The following ABLIM1 variants were observed in gnomAD, a reference collection of about 807,000 sequenced individuals.
ABLIM1 encodes the protein actin binding LIM protein 1.
Under a neutral mutation model 107.0 loss-of-function variants are expected in ABLIM1, and 40 were observed. That is an observed-to-expected ratio of 0.37 (90% CI 0.29 to 0.49). ABLIM1 has a LOEUF of 0.49. ABLIM1 is among the 20% of genes least tolerant of loss of function. ABLIM1 has a pLI of 0.97. For missense variants in ABLIM1, 857 were observed against 1,008.5 expected (o/e 0.85, Z 2.04); for synonymous variants, 357 against 357.3 (o/e 1.00, Z 0.01).
intron 1 of ABLIM1, among the ~76,000 whole-genome samples, chr10:114,614,155 A>G (rs1010479729): frequency 6.6e-6 from 1 of 152,142 alleles, no homozygotes; most frequent in African/African-American, 2.4e-5. Flanking sequence ...GTAACCTTCC[A>G]ACACTTGGAA....
At chr10:114,690,792 C>T (rs1338395741) in intron 1 of ABLIM1, among the ~76,000 whole-genome samples, 1 of 152,160 alleles carries the variant, frequency 6.6e-6, no homozygotes, top group Non-Finnish European at 1.5e-5. Context: ...AGTGATTCTC[C>T]CACCTCAGCC....
At chr10:114,445,256 T>C (rs2060840037) in intron 16 of ABLIM1, 56 bp downstream of exon 16, 4 of 1,493,398 alleles carry the variant, frequency 2.7e-6, no homozygotes, top group Non-Finnish European at 3.7e-6. Context: ...ATTCAAAAAA[T>C]ATAGATCTTA....
intron 1 of ABLIM1, among the ~76,000 whole-genome samples, chr10:114,609,442 C>T (rs901114384): frequency 1.3e-5 from 2 of 152,196 alleles, no homozygotes; most frequent in Admixed American, 1.3e-4. Flanking sequence ...AAAATATTTC[C>T]TTCTCCTCCA....
chr10:114,776,932 A>AT, the ABLIM1 span, among the ~76,000 whole-genome samples: 4 of 152,146 alleles, frequency 2.6e-5, no homozygotes, highest in Non-Finnish European at 5.9e-5. Flanking sequence ...ATGTTTTTTA[A>AT]TTTTTGGTTT....
At chr10:114,561,524 C>A (rs1439161633) in intron 4 of ABLIM1, among the ~76,000 whole-genome samples, 1 of 152,200 alleles carries the variant, frequency 6.6e-6, no homozygotes, top group Non-Finnish European at 1.5e-5. Flanking sequence ...TGTCTCCCAG[C>A]CACCCAGTTC....
intron 15 of ABLIM1, 87 bp downstream of exon 15, chr10:114,447,793 G>C: frequency 1.3e-6 from 2 of 1,545,464 alleles, no homozygotes; most frequent in Non-Finnish European, 8.8e-7. Context: ...TTCATAATAG[G>C]ATACATTTTC....
chr10:114,489,306 C>T (rs775048639), intron 7 of ABLIM1, among the ~76,000 whole-genome samples: 14 of 152,194 alleles, frequency 9.2e-5, no homozygotes, highest in Non-Finnish European at 1.8e-4. Context: ...CGTGAGCCAC[C>T]ACACCTGGCC....
chr10:114,721,418 A>T (rs1316289018), intron 1 of ABLIM1, among the ~76,000 whole-genome samples: 2 of 152,132 alleles, frequency 1.3e-5, no homozygotes, highest in African/African-American at 4.8e-5. Flanking sequence ...TCCCAGACAT[A>T]TCAGTCTGGA....
chr10:114,461,629 G>A (rs1385856590), intron 12 of ABLIM1, among the ~76,000 whole-genome samples: 1 of 151,958 alleles, frequency 6.6e-6, no homozygotes, highest in Non-Finnish European at 1.5e-5. Flanking sequence ...GACCAGCCTG[G>A]CCAACATAGT....
chr10:114,680,075 C>T (rs897062221), intron 1 of ABLIM1, among the ~76,000 whole-genome samples: 1 of 152,138 alleles, frequency 6.6e-6, no homozygotes, highest in Non-Finnish European at 1.5e-5. Flanking sequence ...AATTACCAAA[C>T]TAGAATCAAG....
At chr10:114,681,110 C>T (rs2080728746) in intron 1 of ABLIM1, among the ~76,000 whole-genome samples, 1 of 152,198 alleles carries the variant, frequency 6.6e-6, no homozygotes, top group Non-Finnish European at 1.5e-5. Context: ...TCTGCAGGTA[C>T]ATTTAGCTAG....
At chr10:114,669,552 CCATGAT>C (rs770435916) in intron 1 of ABLIM1, among the ~76,000 whole-genome samples, 1 of 152,188 alleles carries the variant, frequency 6.6e-6, no homozygotes, top group Non-Finnish European at 1.5e-5. Context: ...GTGGCACAGA[CCATGAT>C]CTGCATCAAG....
intron 1 of ABLIM1, among the ~76,000 whole-genome samples, chr10:114,767,314 C>A (rs2082919362): frequency 6.6e-6 from 1 of 152,156 alleles, no homozygotes; most frequent in Non-Finnish European, 1.5e-5. Flanking sequence ...TCTTTAAATG[C>A]TTACGGCAAA....
chr10:114,669,401 A>G (rs938437653), intron 1 of ABLIM1, among the ~76,000 whole-genome samples: 1 of 152,224 alleles, frequency 6.6e-6, no homozygotes, highest in Non-Finnish European at 1.5e-5. Flanking sequence ...TTGGTAATTA[A>G]CCTCACCTAA....
intron 8 of ABLIM1, among the ~76,000 whole-genome samples, chr10:114,479,337 C>T (rs73353705): frequency 0.05 from 7,595 of 152,292 alleles, 589 homozygotes; most frequent in African/African-American, 0.17. Flanking sequence ...GTGAGCTACA[C>T]AGAACTGGGC....
At chr10:114,461,224 G>A (rs960975672) in intron 12 of ABLIM1, among the ~76,000 whole-genome samples, 1 of 151,368 alleles carries the variant, frequency 6.6e-6, no homozygotes, top group African/African-American at 2.4e-5. Context: ...CACCATGCCC[G>A]GCTAATTTTT....
intron 1 of ABLIM1, among the ~76,000 whole-genome samples, chr10:114,630,124 T>TG (rs1418552100): frequency 1.3e-5 from 2 of 152,176 alleles, no homozygotes; most frequent in Admixed American, 1.3e-4. Flanking sequence ...GAAAAAGAGC[T>TG]GCTATGTGAG....
the ABLIM1 span, among the ~76,000 whole-genome samples, chr10:114,781,673 TATATA>T: frequency 6.9e-6 from 1 of 145,774 alleles, no homozygotes; most frequent in African/African-American, 2.6e-5. Flanking sequence ...TGTATATATA[TATATA>T]TATATATATA....
At chr10:114,570,388 A>C (rs1287913812) in intron 4 of ABLIM1, among the ~76,000 whole-genome samples, 1 of 152,090 alleles carries the variant, frequency 6.6e-6, no homozygotes. Flanking sequence ...AATAATGACA[A>C]GTCCCCAGAT....
Sources: allele counts gnomAD v4.1 joint callset (sites outside exome capture counted in the v4.1 genomes callset), GRCh38; gene constraint gnomAD v4.1.1; transcripts MANE v1.5; gene names NCBI Gene and HGNC (gene_info 2026-07-23, HGNC 2026-07-21).